The following SHISAL2A variants were observed in gnomAD, a reference collection of about 807,000 sequenced individuals.
SHISAL2A encodes shisa like 2A.
A neutral mutation model predicts 11.5 loss-of-function variants in SHISAL2A; 18 were observed. The ratio of observed to expected loss-of-function variants is 1.57; its 90% confidence interval spans 1.08 to 2.33. SHISAL2A has a LOEUF of 2.33. SHISAL2A is among the 30% of genes most tolerant of loss of function. The pLI, the probability that SHISAL2A is intolerant of heterozygous loss-of-function variation, is 0.00. For missense variants in SHISAL2A, 261 were observed against 250.9 expected (o/e 1.04, Z -0.27); for synonymous variants, 94 against 99.6 (o/e 0.94, Z 0.34).
chr1:52,657,655 G>A (rs1171712682), downstream of SHISAL2A, among the ~76,000 whole-genome samples: 1 of 152,122 alleles, frequency 6.6e-6, no homozygotes, highest in Non-Finnish European at 1.5e-5. Flanking sequence ...ACTTATTCAA[G>A]ACCAGCTTGG....
intron 2 of SHISAL2A, among the ~76,000 whole-genome samples, chr1:52,653,284 TAC>T (rs1354576019): frequency 7.9e-5 from 4 of 50,338 alleles, no homozygotes; most frequent in Non-Finnish European, 1.4e-4. Context: ...CTCCTGTCTC[TAC>T]AAAAAAAAAA....
At chr1:52,641,761 G>A (rs988700488) in intron 1 of SHISAL2A, among the ~76,000 whole-genome samples, 3 of 151,920 alleles carry the variant, frequency 2.0e-5, no homozygotes, top group Admixed American at 1.3e-4. Flanking sequence ...GGACAACATA[G>A]CAAAACCTGG....
intron 1 of SHISAL2A, among the ~76,000 whole-genome samples, chr1:52,641,218 GCAAATTA>G (rs1285866995): frequency 6.6e-6 from 1 of 152,160 alleles, no homozygotes. Context: ...AGCTGTCCTA[GCAAATTA>G]ATCAACCCCA....
chr1:52,633,626 G>A lies in SHISAL2A; in HGVS notation c.133G>A (p.Asp45Asn), dbSNP rs1358308729. ...CCGCGACCACAAGTACTGCTGCGAC[G>A]ACCCGCACAGCTTCTTCCCCTACGA... ...GFRDHKYCCD[D>N]PHSFFPYEHS... The change falls in exon 1 of 3, where the codon GAC (aspartate) becomes AAC (asparagine). Residue 45 changes from aspartate (D) to asparagine (N), a missense_variant. Coordinates refer to ENST00000517870, the MANE Select transcript of SHISAL2A (RefSeq NM_001042693.3). The surrounding 1 kb of genome is among the most constrained non-coding windows in gnomAD (Gnocchi z 6.4). 7.4e-6 allele frequency: 12 copies of A among 1,612,842 alleles called. No individual in the cohort carries two copies. Among genetic ancestry groups the A allele is most frequent in the Non-Finnish European group, 1.0e-5 (12 of 1,179,506 alleles).
intron 2 of SHISAL2A, among the ~76,000 whole-genome samples, chr1:52,649,559 C>T (rs995565893): frequency 6.6e-6 from 1 of 152,218 alleles, no homozygotes; most frequent in South Asian, 2.1e-4. Flanking sequence ...CCGTCACACC[C>T]ATCCCATCCC....
At chr1:52,655,529 G>A (rs1239359416) in intron 2 of SHISAL2A, among the ~76,000 whole-genome samples, 1 of 151,684 alleles carries the variant, frequency 6.6e-6, no homozygotes, top group Non-Finnish European at 1.5e-5. Flanking sequence ...AGGAGGCTGA[G>A]GTGGGAAGAT....
intron 4 of SHISAL2A, among the ~76,000 whole-genome samples, chr1:52,666,068 C>CTG (rs1692005112): frequency 6.6e-6 from 1 of 152,192 alleles, no homozygotes; most frequent in African/African-American, 2.4e-5. Flanking sequence ...CCCAGCCCTT[C>CTG]TGGCCTCACT....
chr1:52,633,762 C>T lies in SHISAL2A; in HGVS notation c.182+87C>T. ...GCCTCAGCCCCCACCCGAGTGTCCA[C>T]CTGAACATCAGCAGCAAGCTCTAGT... On this transcript the variant is annotated intron_variant, in intron 1 of 2. Transcript: ENST00000517870. The surrounding 1 kb of genome is among the most constrained non-coding windows in gnomAD (Gnocchi z 6.4). 9.0e-7 allele frequency: 1 copy of T among 1,110,434 alleles called. No homozygotes were observed. The highest frequency in any genetic ancestry group is 1.3e-6 in the Non-Finnish European group (1 of 754,074). 68.8% of individuals were successfully genotyped at this position (1,110,434 alleles called of 1,614,324 possible).
rs1691185033 is a variant in SHISAL2A, at chr1:52,633,823, CG to C, written c.182+149del. 5 of 620,790 alleles carry C rather than the reference CG, an allele frequency of 8.1e-6. No homozygotes were observed. Among genetic ancestry groups the C allele is most frequent in the Non-Finnish European group, 1.1e-5 (4 of 360,204 alleles). 38.5% of individuals were successfully genotyped at this position (620,790 alleles called of 1,614,324 possible). The stretch of plus-strand genomic sequence containing the variant: ...CTCATGCCCACAGCATCAACCACCC[CG>C]TGAAACCCCATCTCAGCTCGATTTC... On this transcript the variant is annotated intron_variant, in intron 1 of 2. Transcript: ENST00000517870. This position sits in a 1 kb window ranked among gnomAD's most constrained non-coding sequence, Gnocchi z 6.4.
intron 4 of SHISAL2A, among the ~76,000 whole-genome samples, chr1:52,662,648 C>G (rs367559274): frequency 1.3e-5 from 2 of 152,010 alleles, no homozygotes; most frequent in East Asian, 1.9e-4. Flanking sequence ...ACCGCCCCCC[C>G]ACCCTTTCTG....
intron 2 of SHISAL2A, among the ~76,000 whole-genome samples, chr1:52,648,813 C>A (rs1049405904): frequency 3.9e-5 from 6 of 152,108 alleles, no homozygotes; most frequent in Non-Finnish European, 8.8e-5. Flanking sequence ...GGCTTGTGCT[C>A]TGTGCTCCTA....
At chr1:52,639,391 A>G (rs1206557168) in intron 1 of SHISAL2A, among the ~76,000 whole-genome samples, 1 of 152,194 alleles carries the variant, frequency 6.6e-6, no homozygotes, top group African/African-American at 2.4e-5. Flanking sequence ...CCATGTAATT[A>G]GTAGTGTGTC....
At chr1:52,635,867 AAGAC>A (rs1186877345) in intron 1 of SHISAL2A, among the ~76,000 whole-genome samples, 1 of 152,266 alleles carries the variant, frequency 6.6e-6, no homozygotes, top group East Asian at 1.9e-4. Flanking sequence ...GGAATGAAGA[AAGAC>A]AGCTCGTAAA....
chr1:52,657,158 C>T, downstream of SHISAL2A: 6 of 1,365,380 alleles, frequency 4.4e-6, no homozygotes, highest in Non-Finnish European at 6.0e-6. Context: ...GCAAAGATAC[C>T]CAGCCCTGCT....
chr1:52,655,566 T>C (rs1691773982), intron 2 of SHISAL2A, among the ~76,000 whole-genome samples: 1 of 151,632 alleles, frequency 6.6e-6, no homozygotes, highest in African/African-American at 2.4e-5. Context: ...GTCAAGGCTG[T>C]AGTGCGCCAT....
intron 4 of SHISAL2A, among the ~76,000 whole-genome samples, chr1:52,666,078 T>G (rs1314865588): frequency 6.6e-6 from 1 of 152,220 alleles, no homozygotes; most frequent in Non-Finnish European, 1.5e-5. Context: ...CTGGCCTCAC[T>G]AGGTTGTTTG....
intron 1 of SHISAL2A, among the ~76,000 whole-genome samples, chr1:52,639,471 A>G (rs1171182947): frequency 6.6e-6 from 1 of 152,210 alleles, no homozygotes; most frequent in Non-Finnish European, 1.5e-5. Flanking sequence ...ATTAAAATCT[A>G]GGCTGGGCGT....
At chr1:52,658,997 C>G (rs1268156596), downstream of SHISAL2A, among the ~76,000 whole-genome samples, 6 of 151,880 alleles carry the variant, frequency 4.0e-5, no homozygotes, top group Non-Finnish European at 8.8e-5. Context: ...GATTTTGGTT[C>G]TGGTCTTGCT....
rs574693872 is a variant in SHISAL2A, at chr1:52,668,166, C to T, written n.877-402C>T. On this transcript the variant is annotated intron_variant and non_coding_transcript_variant, in intron 5 of 5. Coordinates refer to the SHISAL2A transcript ENST00000401050. ...CCACACTTTAAGATGCAGTTATCCT[C>T]TCCTGGTTGGAATTGATTGCAACAT... 3.9e-5 allele frequency among the ~76,000 whole-genome samples: 6 copies of T among 152,306 alleles called. No homozygotes were observed. In the South Asian group the frequency reaches 6.2e-4, roughly 16 times the overall value.
Sources: gnomAD v4.1 joint callset for allele counts (sites outside exome capture counted in the v4.1 genomes callset) on GRCh38, gnomAD v4.1.1 for gene constraint, Gnocchi (gnomAD v3.1) non-coding constraint, MANE v1.5 for transcripts, NCBI Gene and HGNC (gene_info 2026-07-23, HGNC 2026-07-21) for gene names.